VPS8: variants seen among roughly 807,000 people sequenced by gnomAD.
VPS8 encodes VPS8 subunit of CORVET complex.
VPS8 carries 129 observed loss-of-function variants against 216.4 expected under a neutral mutation model. The ratio of observed to expected loss-of-function variants is 0.60; its 90% CI spans 0.52 to 0.69. VPS8 has a LOEUF of 0.69. VPS8 is among the 30% of genes least tolerant of loss of function. VPS8 has a pLI of 0.00. For missense variants in VPS8, 1,531 were observed against 1,683.5 expected, an observed-to-expected ratio of 0.91 and a Z score of 1.59; for synonymous variants, 571 against 565.4, an observed-to-expected ratio of 1.01 and a Z score of -0.14.
chr3:184,887,156 A>G (rs1731438370), intron 22 of VPS8, among the ~76,000 whole-genome samples: 1 of 152,036 alleles, frequency 6.6e-6, no homozygotes, highest in South Asian at 2.1e-4. Flanking sequence ...CAGCCTGGGT[A>G]ATATAGGGAG....
rs771538232 is a variant in VPS8, at chr3:184,855,795, G to A, written c.1120G>A (p.Gly374Arg). ...YVNPMLAFCR[G>R]DVVHFLLVKR... ...GAATCCCATGCTTGCCTTCTGCAGA[G>A]GAGATGTTGTTCATTTTCTATTGGT... Residue 374 changes from glycine (G) to arginine (R), a missense_variant, in exon 14 of 48, where the codon GGA (glycine) becomes AGA (arginine). This residue lies in a region of VPS8 where 1,318 missense variants were observed against 1,468.4 expected (regional missense o/e 0.90). Transcript: ENST00000625842. 1.2e-6 allele frequency: 2 copies of A among 1,613,262 alleles called. No homozygotes were observed. The highest frequency in any genetic ancestry group is 1.7e-6 in the Non-Finnish European group (2 of 1,179,688).
At chr3:184,832,256 T>G (rs1720148102) in intron 3 of VPS8, among the ~76,000 whole-genome samples, 1 of 152,204 alleles carries the variant, frequency 6.6e-6, no homozygotes, top group Non-Finnish European at 1.5e-5. Flanking sequence ...CCAGAATGCC[T>G]TTCTGCACTG....
chr3:184,916,921 G>C (rs1737695608), intron 28 of VPS8, among the ~76,000 whole-genome samples: 1 of 152,164 alleles, frequency 6.6e-6, no homozygotes, highest in African/African-American at 2.4e-5. Flanking sequence ...CTCTGATTTG[G>C]TTGACAAATA....
chr3:185,033,732 C>G (rs1055065969), intron 46 of VPS8, among the ~76,000 whole-genome samples: 9 of 152,132 alleles, frequency 5.9e-5, no homozygotes, highest in Admixed American at 2.0e-4. Flanking sequence ...TTTTACATTC[C>G]CAGCAGCAAT....
At chr3:184,851,028 C>T (rs2108657109) in intron 10 of VPS8, among the ~76,000 whole-genome samples, 1 of 152,302 alleles carries the variant, frequency 6.6e-6, no homozygotes, top group South Asian at 2.1e-4. Flanking sequence ...TATGTCTTAT[C>T]TCTCTTAGTG....
intron 36 of VPS8, among the ~76,000 whole-genome samples, chr3:184,948,402 G>C (rs1184518556): frequency 1.3e-5 from 2 of 152,064 alleles, no homozygotes; most frequent in Admixed American, 1.3e-4. Context: ...TATAATCCCA[G>C]CTATTCAGGA....
At chr3:185,045,702 G>C (rs928120403) in intron 46 of VPS8, among the ~76,000 whole-genome samples, 1 of 149,384 alleles carries the variant, frequency 6.7e-6, no homozygotes, top group Non-Finnish European at 1.5e-5. Flanking sequence ...GGGACGCTGA[G>C]GTTTCAGTGA....
chr3:184,868,906 C>T, intron 18 of VPS8, 40 bp from the exon 19 acceptor site: 2 of 1,556,600 alleles, frequency 1.3e-6, no homozygotes, highest in Non-Finnish European at 1.7e-6. Flanking sequence ...GGTGACTGGT[C>T]AGACAAAGGG....
chr3:184,953,054 T>C (rs1744984170), intron 36 of VPS8, among the ~76,000 whole-genome samples: 1 of 152,218 alleles, frequency 6.6e-6, no homozygotes, highest in South Asian at 2.1e-4. Context: ...CCTGCCATCC[T>C]GTCATGGCTG....
chr3:184,958,273 G>T (rs539085223), intron 37 of VPS8, among the ~76,000 whole-genome samples: 36 of 152,172 alleles, frequency 2.4e-4, no homozygotes, highest in Non-Finnish European at 4.7e-4. Flanking sequence ...GTGAAAATGG[G>T]TCAGTTTAGT....
At chr3:184,814,492 G>A (rs1715885645) in intron 1 of VPS8, among the ~76,000 whole-genome samples, 1 of 152,182 alleles carries the variant, frequency 6.6e-6, no homozygotes, top group African/African-American at 2.4e-5. Flanking sequence ...GACTATGTGG[G>A]ATGGCCTGTT....
intron 24 of VPS8, among the ~76,000 whole-genome samples, chr3:184,900,219 C>A (rs1170497024): frequency 6.6e-6 from 1 of 152,186 alleles, no homozygotes; most frequent in South Asian, 2.1e-4. Flanking sequence ...GCTTTGAATT[C>A]ACTGACAATA....
At chr3:184,815,022 G>T (rs73188815) in intron 1 of VPS8, among the ~76,000 whole-genome samples, 1 of 151,876 alleles carries the variant, frequency 6.6e-6, no homozygotes, top group Non-Finnish European at 1.5e-5. Context: ...AAACGAAGAC[G>T]CAAACACACA....
Position 185,052,099 on chromosome 3 carries a change from G to A in VPS8, c.*74G>A, listed in dbSNP as rs1052368466. On this transcript the variant is annotated 3_prime_UTR_variant, in exon 48 of 48. Transcript: ENST00000625842. ...GCTGGGGAGAGGCCCCGCCTCTGGT[G>A]GGCTTGGCCTCCACCACCTCCCACG... The A allele has an allele frequency of 4.0e-6, 6 of 1,483,926 alleles. No homozygotes were observed. The Admixed American group carries it at 7.1e-5, about 17-fold the overall frequency. 91.9% of individuals were successfully genotyped at this position (1,483,926 alleles called of 1,614,324 possible).
intron 45 of VPS8, among the ~76,000 whole-genome samples, chr3:185,009,586 G>A (rs1184814460): frequency 1.3e-5 from 2 of 152,078 alleles, no homozygotes; most frequent in African/African-American, 4.8e-5. Context: ...TTCACTTCAG[G>A]ACAAGATGCA....
At chr3:184,898,487 C>A in intron 23 of VPS8, 78 bp from the exon 24 acceptor site, 1 of 1,126,670 alleles carries the variant, frequency 8.9e-7, no homozygotes, top group Non-Finnish European at 1.3e-6. Flanking sequence ...GCATTCAAGA[C>A]CTTTCCCATT....
At chr3:184,927,883 C>G (rs1309792243) in intron 31 of VPS8, among the ~76,000 whole-genome samples, 1 of 152,118 alleles carries the variant, frequency 6.6e-6, no homozygotes, top group Non-Finnish European at 1.5e-5. Context: ...TCATCCATGC[C>G]GCAGCATGCA....
chr3:184,868,433 T>C, intron 18 of VPS8: 1 of 188,120 alleles, frequency 5.3e-6, no homozygotes, highest in Non-Finnish European at 1.1e-5. Flanking sequence ...GTATGGTTGC[T>C]AGAGCTCCAG....
chr3:184,926,453 G>A (rs754798246), intron 30 of VPS8, 141 bp from the exon 31 acceptor site: 3 of 702,622 alleles, frequency 4.3e-6, no homozygotes, highest in Non-Finnish European at 7.1e-6. Context: ...AATCAGTTGG[G>A]AAGGTAGCCT....
Sources: gnomAD v4.1 joint callset for allele counts (sites outside exome capture counted in the v4.1 genomes callset) on GRCh38, gnomAD v4.1.1 for gene constraint, gnomAD v4.1.1 regional missense constraint, MANE v1.5 for transcripts, NCBI Gene and HGNC (gene_info 2026-07-23, HGNC 2026-07-21) for gene names.